The following SDK1 variants were observed in gnomAD, a reference collection of about 807,000 sequenced individuals.
SDK1 encodes the protein sidekick cell adhesion molecule 1.
SDK1 carries 157 observed loss-of-function variants against 245.5 expected under a neutral mutation model. That is an observed-to-expected ratio of 0.64 (90% CI 0.56 to 0.73). The LOEUF is 0.73. SDK1 is among the 30% of genes least tolerant of loss of function. The pLI, the probability that SDK1 is intolerant of heterozygous loss-of-function variation, is 0.00. For synonymous variants in SDK1, 1,647 were observed against 1,278.5 expected, an observed-to-expected ratio of 1.29 and a Z score of -6.15; for missense variants, 3,583 against 3,002.3, an observed-to-expected ratio of 1.19 and a Z score of -4.52.
At chr7:3,729,504 C>T (rs1439942031) in intron 4 of SDK1, among the ~76,000 whole-genome samples, 2 of 152,170 alleles carry the variant, frequency 1.3e-5, no homozygotes, top group Non-Finnish European at 2.9e-5. Context: ...TGCTGGTAAA[C>T]ATCCTGAAAT....
intron 4 of SDK1, among the ~76,000 whole-genome samples, chr7:3,757,385 A>T (rs1031906421): frequency 6.6e-6 from 1 of 151,938 alleles, no homozygotes; most frequent in East Asian, 1.9e-4. Flanking sequence ...AGGTGCTACC[A>T]TGCCTGGTTA....
At chr7:3,572,988 G>A (rs1780164888) in intron 1 of SDK1, among the ~76,000 whole-genome samples, 1 of 152,032 alleles carries the variant, frequency 6.6e-6, no homozygotes, top group Non-Finnish European at 1.5e-5. Flanking sequence ...CGGAGCATCT[G>A]GGGTGACCAC....
At chr7:3,912,964 C>T (rs376039435) in intron 5 of SDK1, among the ~76,000 whole-genome samples, 16 of 152,326 alleles carry the variant, frequency 1.1e-4, no homozygotes, top group South Asian at 8.3e-4. Context: ...CGTGGAGGGC[C>T]GAAGGCAAGC....
intron 4 of SDK1, among the ~76,000 whole-genome samples, chr7:3,751,687 C>T (rs1421035809): frequency 2.0e-5 from 3 of 152,316 alleles, no homozygotes; most frequent in African/African-American, 7.2e-5. Flanking sequence ...GTACCGAGCT[C>T]TGTGATCCAG....
chr7:3,769,129 A>G (rs1780335747), intron 4 of SDK1, among the ~76,000 whole-genome samples: 1 of 152,230 alleles, frequency 6.6e-6, no homozygotes, highest in Admixed American at 6.5e-5. Context: ...TTAAGAAGTA[A>G]TACAGAGAGA....
At position 3,341,594 on chromosome 7, in the gene SDK1, A is replaced by C. The variant is rs553105775; in HGVS notation, c.298+39710A>C. Among the ~76,000 whole-genome samples, 5 of 152,338 alleles carry C rather than the reference A, an allele frequency of 3.3e-5. No individual in the cohort carries two copies. In the East Asian group the frequency reaches 9.6e-4, roughly 29 times the overall value. ...AGAAAAAAAACTTCTTGAACTGAGG[A>C]GTTCAACATAGTTGCTGCATACAGG... is the stretch of plus-strand genomic sequence containing the variant. On this transcript the variant is annotated intron_variant, in intron 1 of 44. Coordinates refer to ENST00000404826, the MANE Select transcript of SDK1 (RefSeq NM_152744.4).
At chr7:3,341,769 T>C (rs912653710) in intron 1 of SDK1, among the ~76,000 whole-genome samples, 1 of 152,208 alleles carries the variant, frequency 6.6e-6, no homozygotes, top group Non-Finnish European at 1.5e-5. Flanking sequence ...ACAAAACTGA[T>C]GAAACAAATC....
chr7:3,818,087 C>T (rs1032738722), intron 4 of SDK1, among the ~76,000 whole-genome samples: 1 of 152,190 alleles, frequency 6.6e-6, no homozygotes, highest in Non-Finnish European at 1.5e-5. Context: ...ATTTTTGTTC[C>T]TCTTCTCTTT....
At chr7:4,115,093 T>C (rs1362253995) in intron 25 of SDK1, among the ~76,000 whole-genome samples, 1 of 152,158 alleles carries the variant, frequency 6.6e-6, no homozygotes, top group Non-Finnish European at 1.5e-5. Context: ...CTTGCCCCCC[T>C]CCTTAAATTT....
chr7:4,157,255 CGGAA>C (rs200896942), intron 30 of SDK1, among the ~76,000 whole-genome samples: 4 of 141,332 alleles, frequency 2.8e-5, no homozygotes, highest in South Asian at 2.3e-4. Flanking sequence ...GACGGACGGA[CGGAA>C]GGAAGGAAGG....
At position 3,374,145 on chromosome 7, in the gene SDK1, G is replaced by A. The variant is rs79147773; in HGVS notation, c.298+72261G>A. Among the ~76,000 whole-genome samples, 71 of 152,242 alleles carry A rather than the reference G, an allele frequency of 4.7e-4. 1 individual carries two copies. In the East Asian group the frequency reaches 0.011, roughly 23 times the overall value. On this transcript the variant is annotated intron_variant, in intron 1 of 44. Coordinates refer to ENST00000404826, the MANE Select transcript of SDK1 (RefSeq NM_152744.4). ...ATGGAAGTCTTGGATTTGCTGCAGT[G>A]TGTTTTGCATAGTTGAAGGACTGGG...
chr7:3,914,947 G>A (rs964377818), intron 5 of SDK1, among the ~76,000 whole-genome samples: 1 of 152,196 alleles, frequency 6.6e-6, no homozygotes, highest in Non-Finnish European at 1.5e-5. Flanking sequence ...CTCATTTTAG[G>A]TGGTTGTTGA....
intron 27 of SDK1, among the ~76,000 whole-genome samples, chr7:4,132,102 G>A (rs991936265): frequency 4.6e-5 from 7 of 152,152 alleles, no homozygotes; most frequent in South Asian, 2.1e-4. Flanking sequence ...GAAAGCAGAC[G>A]GGCAGGGTTT....
At chr7:3,341,832 C>T (rs1290988159) in intron 1 of SDK1, among the ~76,000 whole-genome samples, 10 of 152,280 alleles carry the variant, frequency 6.6e-5, no homozygotes, top group South Asian at 6.2e-4. Context: ...ATATTCAACA[C>T]GGTAAATGTG....
At chr7:4,079,409 C>T in intron 21 of SDK1, 54 bp from the exon 22 acceptor site, 3 of 1,600,838 alleles carry the variant, frequency 1.9e-6, no homozygotes, top group Non-Finnish European at 1.7e-6. Context: ...TGATACCTTT[C>T]CTAAGCTGTG....
At chr7:3,889,937 GCTC>G (rs1781420176) in intron 5 of SDK1, among the ~76,000 whole-genome samples, 1 of 152,102 alleles carries the variant, frequency 6.6e-6, no homozygotes, top group Non-Finnish European at 1.5e-5. Context: ...GAAACTCCCC[GCTC>G]CTCCTCCTCA....
rs548380554 is a variant in SDK1 at position 3,318,983 on chromosome 7, G to T, written c.298+17099G>T. ...GTGGGGCTGAAATGCCACAGAAGCAGTTAGCAGTGTGGGCCTATCTGGGGG... is the reference window on the plus strand; with the variant it reads ...GTGGGGCTGAAATGCCACAGAAGCATTTAGCAGTGTGGGCCTATCTGGGGG... On this transcript the variant is annotated intron_variant, in intron 1 of 44. Coordinates refer to ENST00000404826, the MANE Select transcript of SDK1 (RefSeq NM_152744.4). Among the ~76,000 whole-genome samples the T allele has an allele frequency of 5.9e-5, 9 of 152,180 alleles. No homozygotes were observed. In the East Asian group the frequency reaches 9.7e-4, roughly 16 times the overall value.
At chr7:3,612,803 T>G (rs1161612488) in intron 1 of SDK1, among the ~76,000 whole-genome samples, 2 of 152,140 alleles carry the variant, frequency 1.3e-5, no homozygotes, top group Non-Finnish European at 2.9e-5. Context: ...ATTCTGGTCC[T>G]CCCGGCTGGA....
chr7:4,237,691 G>GA lies in SDK1; in HGVS notation c.6037_6038insA (p.Val2013AspfsTer24). On this transcript the variant is annotated frameshift_variant, in exon 42 of 45. Coordinates refer to ENST00000404826, the MANE Select transcript of SDK1 (RefSeq NM_152744.4). LOFTEE classifies it high-confidence loss of function. ...CTACGAGGAGTGGTGGTTCCTCCTG[G>GA]TGATGGCTCTGTCCAGCCTGATCGT... is the stretch of plus-strand genomic sequence containing the variant. 2 of 1,614,096 alleles carry GA rather than the reference G, an allele frequency of 1.2e-6. No individual in the cohort carries two copies. The highest frequency in any genetic ancestry group is 1.7e-6 in the Non-Finnish European group (2 of 1,180,026).
Sources: gnomAD v4.1 joint callset for allele counts (sites outside exome capture counted in the v4.1 genomes callset) on GRCh38, gnomAD v4.1.1 for gene constraint, MANE v1.5 for transcripts, NCBI Gene and HGNC (gene_info 2026-07-23, HGNC 2026-07-21) for gene names.